The following S100Z variants were observed in gnomAD, a reference collection of about 807,000 sequenced individuals.
S100Z encodes the protein S100 calcium binding protein Z, also known as protein S100-Z.
Under a neutral mutation model 8.5 loss-of-function variants are expected in S100Z, and 11 were observed. The observed-to-expected ratio is 1.30, with a 90% CI of 0.82 to 2.15. The LOEUF is 2.15. S100Z is among the 30% of genes most tolerant of loss of function. S100Z has a pLI of 0.00. For synonymous variants in S100Z, 34 were observed against 43.8 expected, an observed-to-expected ratio of 0.78 and a Z score of 0.89; for missense variants, 126 against 117.9, an observed-to-expected ratio of 1.07 and a Z score of -0.32.
chr5:76,911,607 G>T (rs1744663738), intron 4 of S100Z, among the ~76,000 whole-genome samples: 1 of 152,198 alleles, frequency 6.6e-6, no homozygotes, highest in Non-Finnish European at 1.5e-5. Flanking sequence ...TCAAGTCCAG[G>T]CACTCTGGTC....
intron 1 of S100Z, among the ~76,000 whole-genome samples, chr5:76,856,354 C>G (rs1463138264): frequency 6.6e-6 from 1 of 152,134 alleles, no homozygotes; most frequent in Non-Finnish European, 1.5e-5. Flanking sequence ...TGCATGGCAC[C>G]ACACCTGGCC....
At chr5:76,946,187 T>G in the S100Z span, among the ~76,000 whole-genome samples, 33 of 152,332 alleles carry the variant, frequency 2.2e-4, no homozygotes, top group African/African-American at 7.5e-4. Flanking sequence ...TCTGGGTAGA[T>G]AGATCACTTA....
the S100Z span, among the ~76,000 whole-genome samples, chr5:76,941,521 C>T: frequency 6.6e-6 from 1 of 152,202 alleles, no homozygotes; most frequent in Non-Finnish European, 1.5e-5. Flanking sequence ...CCATGTAAAA[C>T]TGTGAGTCCA....
chr5:76,950,567 T>C, the S100Z span, among the ~76,000 whole-genome samples: 4 of 152,144 alleles, frequency 2.6e-5, no homozygotes, highest in Non-Finnish European at 5.9e-5. Context: ...TGCCTAACAA[T>C]AGTCGAAGAC....
rs529915079 is a variant in S100Z at position 76,863,355 on chromosome 5, T to C, written c.-175-6811T>C. Among the ~76,000 whole-genome samples, 7 of 152,278 alleles carry C rather than the reference T, an allele frequency of 4.6e-5. No homozygotes were observed. The South Asian group carries it at 1.5e-3, about 32-fold the overall frequency. On this transcript the variant is annotated intron_variant, in intron 1 of 4. Coordinates refer to ENST00000317593, the MANE Select transcript of S100Z (RefSeq NM_130772.4). ...AACACACTTTAGAATCAAAAAATTG[T>C]TTAAAGGAAAGGGAACTTCAAGGTC...
the S100Z span, among the ~76,000 whole-genome samples, chr5:76,927,788 A>G: frequency 6.6e-6 from 1 of 152,212 alleles, no homozygotes; most frequent in East Asian, 1.9e-4. Context: ...TACCCATGTT[A>G]TGACATGGAA....
At chr5:76,874,948 G>T (rs1428726808) in intron 2 of S100Z, among the ~76,000 whole-genome samples, 1 of 151,948 alleles carries the variant, frequency 6.6e-6, no homozygotes, top group South Asian at 2.1e-4. Context: ...GCAGTGGCGC[G>T]ATCTCGGCTC....
intron 4 of S100Z, among the ~76,000 whole-genome samples, chr5:76,895,342 A>G (rs1743998968): frequency 6.6e-6 from 1 of 152,204 alleles, no homozygotes; most frequent in African/African-American, 2.4e-5. Flanking sequence ...GTTCCTCAGG[A>G]ATAAGGAAAT....
intron 1 of S100Z, among the ~76,000 whole-genome samples, chr5:76,863,817 T>C (rs2434646): frequency 0.043 from 6,500 of 152,256 alleles, 159 homozygotes; most frequent in East Asian, 0.093. Flanking sequence ...GGATTACAGG[T>C]GTGAGCCACT....
At chr5:76,933,296 CGTT>C in the S100Z span, among the ~76,000 whole-genome samples, 2 of 152,200 alleles carry the variant, frequency 1.3e-5, no homozygotes, top group Non-Finnish European at 2.9e-5. Context: ...GAAAGAAAAA[CGTT>C]GTTCCAGTGG....
chr5:76,915,964 C>T (rs1251698335), intron 4 of S100Z, among the ~76,000 whole-genome samples: 3 of 151,968 alleles, frequency 2.0e-5, no homozygotes, highest in African/African-American at 7.2e-5. Flanking sequence ...GGATCAAGAC[C>T]AGTCAGGCCA....
At chr5:76,889,630 G>A (rs1207821658) in intron 4 of S100Z, among the ~76,000 whole-genome samples, 9 of 152,188 alleles carry the variant, frequency 5.9e-5, no homozygotes, top group African/African-American at 9.7e-5. Context: ...TCTAAAAATC[G>A]ATTAAAAGTG....
rs1442574220 is a variant in S100Z at position 76,907,022 on chromosome 5, A to G, written c.*3-13695A>G. ...TATATATATATATATATATATATATATACATATATATATACCAAATTTTCT... is the reference window on the plus strand; with the variant it reads ...TATATATATATATATATATATATATGTACATATATATATACCAAATTTTCT... On this transcript the variant is annotated intron_variant, in intron 4 of 4. Coordinates refer to ENST00000317593, the MANE Select transcript of S100Z (RefSeq NM_130772.4). Among the ~76,000 whole-genome samples the G allele has an allele frequency of 3.6e-5, 3 of 84,164 alleles. No individual in the cohort carries two copies. In the East Asian group the frequency reaches 1.0e-3, roughly 29 times the overall value. The allele number at this position is 84,164 out of a possible 152,430, so 55.2% of individuals were successfully genotyped here.
the S100Z span, among the ~76,000 whole-genome samples, chr5:76,938,203 C>T: frequency 6.6e-6 from 1 of 152,178 alleles, no homozygotes. Context: ...TATTCAGATT[C>T]TTCTTGGCTT....
intron 4 of S100Z, among the ~76,000 whole-genome samples, chr5:76,914,209 A>G (rs978080624): frequency 5.9e-5 from 9 of 152,134 alleles, no homozygotes; most frequent in African/African-American, 1.9e-4. Flanking sequence ...TAAAGCGGTC[A>G]TCGGCCAAAT....
At chr5:76,908,570 T>A (rs12656576) in intron 4 of S100Z, among the ~76,000 whole-genome samples, 100,470 of 152,012 alleles carry the variant, frequency 0.66, 33,628 homozygotes, top group African/African-American at 0.75. Context: ...GAAAGACATA[T>A]TTTTTGCCCA....
chr5:76,930,830 A>G, the S100Z span, among the ~76,000 whole-genome samples: 20 of 152,214 alleles, frequency 1.3e-4, no homozygotes, highest in Admixed American at 2.6e-4. Flanking sequence ...TTGAGGCCCT[A>G]TGATTTCCTG....
intron 2 of S100Z, among the ~76,000 whole-genome samples, chr5:76,871,084 A>G (rs1580005383): frequency 6.6e-6 from 1 of 152,228 alleles, no homozygotes; most frequent in African/African-American, 2.4e-5. Flanking sequence ...GAGGTCAGAC[A>G]GGCCTCATTG....
chr5:76,861,476 T>G (rs990063203), intron 1 of S100Z, among the ~76,000 whole-genome samples: 5 of 152,118 alleles, frequency 3.3e-5, no homozygotes, highest in African/African-American at 1.2e-4. Flanking sequence ...GTAGCTGGGA[T>G]TACAGGCACC....
Sources: allele counts gnomAD v4.1 joint callset (sites outside exome capture counted in the v4.1 genomes callset), GRCh38; gene constraint gnomAD v4.1.1; transcripts MANE v1.5; gene names NCBI Gene and HGNC (gene_info 2026-07-23, HGNC 2026-07-21).